The following TENM4 variants were observed in gnomAD, a reference collection of about 807,000 sequenced individuals.
TENM4 encodes teneurin-4.
A neutral mutation model predicts 243.3 loss-of-function variants in TENM4; 82 were observed. The observed-to-expected ratio is 0.34, with a 90% CI of 0.28 to 0.40. The LOEUF (loss-of-function observed/expected upper bound fraction) is 0.40. Among genes scored for constraint, TENM4 ranks in the 10% least tolerant of loss-of-function variants. The pLI is 1.00. For synonymous variants in TENM4, 1,412 were observed against 1,456.3 expected (o/e 0.97, Z 0.69); for missense variants, 3,138 against 3,673.3 (o/e 0.85, Z 3.77).
intron 14 of TENM4, among the ~76,000 whole-genome samples, chr11:78,805,900 T>C (rs1032911373): frequency 2.6e-5 from 4 of 152,212 alleles, no homozygotes; most frequent in African/African-American, 9.6e-5. Context: ...GAGACTAAAA[T>C]AGATTCCTTC....
At chr11:78,926,437 C>T (rs150959622) in intron 6 of TENM4, among the ~76,000 whole-genome samples, 1,993 of 151,876 alleles carry the variant, frequency 0.013, 55 homozygotes, top group African/African-American at 0.046. Context: ...CCACGCCTGG[C>T]TAATTTTTGT....
At chr11:78,899,991 T>C (rs540194864) in intron 7 of TENM4, among the ~76,000 whole-genome samples, 1 of 152,328 alleles carries the variant, frequency 6.6e-6, no homozygotes, top group South Asian at 2.1e-4. Flanking sequence ...AAGACCAGCT[T>C]TCCAGCCATC....
At chr11:78,816,497 C>CA (rs1394344347) in intron 12 of TENM4, among the ~76,000 whole-genome samples, 2 of 152,180 alleles carry the variant, frequency 1.3e-5, no homozygotes, top group Non-Finnish European at 2.9e-5. Context: ...CAGAGAAGCC[C>CA]ATCCTGAAGG....
intron 12 of TENM4, among the ~76,000 whole-genome samples, chr11:78,849,789 A>T (rs909404846): frequency 5.3e-5 from 8 of 152,252 alleles, no homozygotes; most frequent in Admixed American, 4.6e-4. Context: ...TGATAATAAA[A>T]ATAAGAATAA....
chr11:78,925,115 A>G (rs1856526335), intron 6 of TENM4, among the ~76,000 whole-genome samples: 1 of 152,206 alleles, frequency 6.6e-6, no homozygotes, highest in African/African-American at 2.4e-5. Flanking sequence ...CCTGTATTCT[A>G]ACTCTGATCT....
chr11:79,185,928 T>C (rs924418553), intron 3 of TENM4, among the ~76,000 whole-genome samples: 2 of 152,322 alleles, frequency 1.3e-5, no homozygotes, highest in East Asian at 1.9e-4. Flanking sequence ...CTGAGTGCCA[T>C]TTCTGTGCCA....
At chr11:79,065,194 TCAGCCTGAACCCTC>T (rs1446503515) in intron 5 of TENM4, among the ~76,000 whole-genome samples, 187 bp from the exon 6 acceptor site, 7 of 152,168 alleles carry the variant, frequency 4.6e-5, no homozygotes, top group Non-Finnish European at 1.0e-4. Flanking sequence ...CCCCTCTTCA[TCAGCCTGAACCCTC>T]CATTTCCCTT....
At chr11:78,779,754 C>T (rs1024593774) in intron 16 of TENM4, among the ~76,000 whole-genome samples, 1 of 152,232 alleles carries the variant, frequency 6.6e-6, no homozygotes, top group Non-Finnish European at 1.5e-5. Flanking sequence ...AGCTGAATTT[C>T]ACACATGAAT....
At chr11:79,359,313 A>G (rs1423484942) in intron 1 of TENM4, among the ~76,000 whole-genome samples, 1 of 152,216 alleles carries the variant, frequency 6.6e-6, no homozygotes, top group South Asian at 2.1e-4. Flanking sequence ...ACTCTACAGG[A>G]TAATATGAAC....
chr11:79,411,057 G>A (rs899267424), intron 1 of TENM4, among the ~76,000 whole-genome samples: 4 of 152,186 alleles, frequency 2.6e-5, no homozygotes, highest in Non-Finnish European at 1.5e-5. Context: ...CTGCTTCCAT[G>A]TGGTAGATCC....
chr11:78,969,949 A>C (rs1005570186), intron 6 of TENM4, among the ~76,000 whole-genome samples: 8 of 152,250 alleles, frequency 5.3e-5, no homozygotes, highest in Admixed American at 4.6e-4. Flanking sequence ...GCCCTGATGG[A>C]TTCAACCTTT....
chr11:78,958,492 G>A (rs1348463069), intron 6 of TENM4, among the ~76,000 whole-genome samples: 1 of 152,212 alleles, frequency 6.6e-6, no homozygotes, highest in Non-Finnish European at 1.5e-5. Flanking sequence ...TACCCTTGGG[G>A]AAGGATTAGG....
intron 2 of TENM4, among the ~76,000 whole-genome samples, chr11:79,218,239 C>CCCG (rs1226158276): frequency 9.9e-4 from 142 of 142,802 alleles, no homozygotes; most frequent in Non-Finnish European, 1.5e-3. Flanking sequence ...TGCCCACCCA[C>CCCG]CCCCGACACA....
chr11:78,675,971 C>A (rs947958669), intron 30 of TENM4, among the ~76,000 whole-genome samples, 181 bp downstream of exon 30: 1 of 152,178 alleles, frequency 6.6e-6, no homozygotes, highest in African/African-American at 2.4e-5. Context: ...AGTAGTCTTT[C>A]CACAAGTAAA....
At chr11:78,815,248 T>C (rs1857581378) in intron 12 of TENM4, among the ~76,000 whole-genome samples, 1 of 152,134 alleles carries the variant, frequency 6.6e-6, no homozygotes, top group Non-Finnish European at 1.5e-5. Context: ...TAGCCTGGCA[T>C]GGTGGTGTAC....
intron 6 of TENM4, among the ~76,000 whole-genome samples, chr11:79,039,436 G>C (rs1859464539): frequency 6.6e-6 from 1 of 152,332 alleles, no homozygotes; most frequent in South Asian, 2.1e-4. Flanking sequence ...AAAGAAGCCA[G>C]TTTTAGGCTC....
intron 1 of TENM4, among the ~76,000 whole-genome samples, chr11:79,320,349 A>G (rs1856868006): frequency 6.6e-6 from 1 of 152,206 alleles, no homozygotes; most frequent in African/African-American, 2.4e-5. Flanking sequence ...TGTTGCGACA[A>G]ACACAGGGTG....
intron 6 of TENM4, among the ~76,000 whole-genome samples, chr11:78,956,926 A>C (rs139180043): frequency 6.6e-6 from 1 of 152,206 alleles, no homozygotes; most frequent in Non-Finnish European, 1.5e-5. Flanking sequence ...AACATTTCCA[A>C]ATTCTAAAGT....
intron 19 of TENM4, among the ~76,000 whole-genome samples, chr11:78,750,709 C>T (rs1379594461): frequency 6.6e-6 from 1 of 152,164 alleles, no homozygotes; most frequent in East Asian, 1.9e-4. Context: ...CACTGTGGTT[C>T]ACTCTGTGCC....
Sources: gnomAD v4.1 joint callset for allele counts (sites outside exome capture counted in the v4.1 genomes callset) on GRCh38, gnomAD v4.1.1 for gene constraint, MANE v1.5 for transcripts, NCBI Gene and HGNC (gene_info 2026-07-23, HGNC 2026-07-21) for gene names.